SRBD1: variants seen among roughly 807,000 people sequenced by gnomAD.
SRBD1 encodes S1 RNA binding domain 1, also known as S1 RNA-binding domain-containing protein 1.
A neutral mutation model predicts 115.3 loss-of-function variants in SRBD1; 88 were observed. The observed-to-expected ratio is 0.76, with a 90% CI of 0.64 to 0.91. SRBD1 has a LOEUF of 0.91. Among genes scored for constraint, SRBD1 ranks in the 40% least tolerant of loss-of-function variants. SRBD1 has a pLI of 0.00. For missense variants in SRBD1, 1,385 were observed against 1,177.4 expected (o/e 1.18, Z -2.58); for synonymous variants, 509 against 407.7 (o/e 1.25, Z -2.99).
intron 1 of SRBD1, among the ~76,000 whole-genome samples, chr2:45,610,207 A>T (rs915191029): frequency 6.6e-6 from 1 of 152,246 alleles, no homozygotes; most frequent in Non-Finnish European, 1.5e-5. Flanking sequence ...GAGCCACTAA[A>T]CTAGGACGAC....
intron 16 of SRBD1, among the ~76,000 whole-genome samples, chr2:45,445,982 A>G (rs1343728659): frequency 6.6e-6 from 1 of 152,220 alleles, no homozygotes; most frequent in Non-Finnish European, 1.5e-5. Flanking sequence ...GTCTTGAGTA[A>G]GAAAAGTCAG....
Position 45,478,877 on chromosome 2 carries a change from T to C in SRBD1, c.1967-1802A>G, listed in dbSNP as rs537932511. Among the ~76,000 whole-genome samples, 9 of 152,302 alleles carry C rather than the reference T, an allele frequency of 5.9e-5. No homozygotes were observed. In the East Asian group the frequency reaches 1.7e-3, roughly 29 times the overall value. ...TTTATTGTGCTTCTCAGACACCACA[T>C]TTCTTCCAAGTTGGAAATTTGCGGC... On this transcript the variant is annotated intron_variant, in intron 15 of 20. Coordinates refer to ENST00000263736, the MANE Select transcript of SRBD1 (RefSeq NM_018079.5).
chr2:45,597,589 G>A (rs62128607), intron 4 of SRBD1, among the ~76,000 whole-genome samples: 2 of 152,118 alleles, frequency 1.3e-5, no homozygotes, highest in Non-Finnish European at 2.9e-5. Context: ...AGAAGCAGCA[G>A]AAATTGGTGA....
intron 2 of SRBD1, 101 bp from the exon 3 acceptor site, chr2:45,602,184 T>C: frequency 7.4e-7 from 1 of 1,349,482 alleles, no homozygotes; most frequent in Non-Finnish European, 1.0e-6. Context: ...AAGTAGGAGG[T>C]GTTTAATATA....
At chr2:45,608,714 G>A (rs1001356150) in intron 1 of SRBD1, among the ~76,000 whole-genome samples, 3 of 152,018 alleles carry the variant, frequency 2.0e-5, no homozygotes, top group Non-Finnish European at 2.9e-5. Flanking sequence ...ATCCACAATG[G>A]AACTCTTGAT....
At chr2:45,500,375 T>C (rs1305288901) in intron 14 of SRBD1, among the ~76,000 whole-genome samples, 1 of 151,874 alleles carries the variant, frequency 6.6e-6, no homozygotes, top group African/African-American at 2.4e-5. Flanking sequence ...TAAATGAGAC[T>C]GCTTTCTCGA....
At chr2:45,446,765 A>C (rs1281767394) in intron 16 of SRBD1, among the ~76,000 whole-genome samples, 1 of 151,986 alleles carries the variant, frequency 6.6e-6, no homozygotes, top group Non-Finnish European at 1.5e-5. Context: ...AAAATTAAAA[A>C]CATAGGTCGC....
intron 4 of SRBD1, among the ~76,000 whole-genome samples, chr2:45,591,722 T>C (rs941320819): frequency 9.2e-5 from 14 of 152,208 alleles, no homozygotes; most frequent in African/African-American, 3.1e-4. Flanking sequence ...CTAGGAATGT[T>C]GGGTGATGGT....
chr2:45,583,404 C>A lies in SRBD1; in HGVS notation c.816-1594G>T, dbSNP rs150363888. 3.9e-3 allele frequency among the ~76,000 whole-genome samples: 587 copies of A among 152,190 alleles called. 16 individuals are homozygous for A. Among genetic ancestry groups the A allele is most frequent in the Admixed American group, 0.037 (559 of 15,292 alleles). ...CAATTCCTTTTGTCCTATTAGCCTG[C>A]ATATAAGGAAGAAGAGAATTATCTT... On this transcript the variant is annotated intron_variant, in intron 5 of 20. Transcript: ENST00000263736.
At position 45,585,588 on chromosome 2, in the gene SRBD1, T is replaced by C. The variant is rs1673493308; in HGVS notation, c.815+20A>G. On this transcript the variant is annotated intron_variant, in intron 5 of 20. Transcript: ENST00000263736. Reference sequence around the variant, plus strand: ...GCCTTTTCCCCTTACACTAGGCTTATTCTTTTTTAGGTTTCTTACCGTAGC... The same window carrying C: ...GCCTTTTCCCCTTACACTAGGCTTACTCTTTTTTAGGTTTCTTACCGTAGC... 1.2e-6 allele frequency: 2 copies of C among 1,601,892 alleles called. No individual in the cohort carries two copies. The highest frequency in any genetic ancestry group is 1.1e-5 in the South Asian group (1 of 87,834).
At chr2:45,432,079 G>C (rs1034419966) in intron 16 of SRBD1, among the ~76,000 whole-genome samples, 10 of 151,568 alleles carry the variant, frequency 6.6e-5, no homozygotes, top group Non-Finnish European at 1.2e-4. Context: ...GCCCAGGCTG[G>C]AGTGCAACGG....
At chr2:45,479,385 T>C (rs1019248761) in intron 15 of SRBD1, among the ~76,000 whole-genome samples, 2 of 152,210 alleles carry the variant, frequency 1.3e-5, no homozygotes, top group South Asian at 2.1e-4. Context: ...AAGTTGTGAA[T>C]GCAAAGGAAG....
chr2:45,532,205 G>A (rs1400218415), intron 14 of SRBD1, among the ~76,000 whole-genome samples: 1 of 151,686 alleles, frequency 6.6e-6, no homozygotes, highest in Non-Finnish European at 1.5e-5. Flanking sequence ...CCCTCCCCAA[G>A]ACTTAAAACA....
intron 14 of SRBD1, among the ~76,000 whole-genome samples, chr2:45,490,691 T>G (rs538482214): frequency 4.7e-4 from 71 of 152,270 alleles, no homozygotes; most frequent in Non-Finnish European, 9.0e-4. Flanking sequence ...ACTGGGTACC[T>G]GAGAATTTGC....
chr2:45,488,250 C>A lies in SRBD1; in HGVS notation c.1956G>T (p.Leu652Phe). Reference sequence around the variant, plus strand: ...TCCATAGTTTCTTACCTGCACTTCTCAAATTAGGGTCCAGCCCTGGCATCT... The same window carrying A: ...TCCATAGTTTCTTACCTGCACTTCTAAAATTAGGGTCCAGCCCTGGCATCT... Reference protein sequence around the residue: ...NKEMPGLDPNLRSAVSIARRV... With the variant: ...NKEMPGLDPNFRSAVSIARRV... Residue 652 changes from leucine (L) to phenylalanine (F), a missense_variant, in exon 15 of 21, where the codon TTG (leucine) becomes TTT (phenylalanine). Physicochemically the swap from Leu to Phe is conservative, Grantham distance 22 (BLOSUM62 0). Transcript: ENST00000263736. The A allele has an allele frequency of 6.2e-7, 1 of 1,613,868 alleles. No individual in the cohort carries two copies. Among genetic ancestry groups the A allele is most frequent in the Non-Finnish European group, 8.5e-7 (1 of 1,179,888 alleles).
At chr2:45,607,242 G>A (rs1438409114) in intron 1 of SRBD1, among the ~76,000 whole-genome samples, 2 of 152,166 alleles carry the variant, frequency 1.3e-5, no homozygotes, top group South Asian at 2.1e-4. Flanking sequence ...AAATAAGAAT[G>A]GAGGAAGTTA....
At chr2:45,488,116 G>A (rs757852034) in intron 15 of SRBD1, 124 bp downstream of exon 15, 6 of 736,596 alleles carry the variant, frequency 8.1e-6, no homozygotes, top group Admixed American at 2.6e-5. Context: ...TTTCTAATAT[G>A]CCAATTCTTA....
chr2:45,461,432 G>C (rs1037305653), intron 16 of SRBD1, among the ~76,000 whole-genome samples: 1 of 152,164 alleles, frequency 6.6e-6, no homozygotes, highest in Non-Finnish European at 1.5e-5. Context: ...CACATCACCA[G>C]ATGATGCTGG....
intron 16 of SRBD1, among the ~76,000 whole-genome samples, chr2:45,466,341 TC>T (rs1474331645): frequency 6.6e-6 from 1 of 152,154 alleles, no homozygotes; most frequent in Non-Finnish European, 1.5e-5. Context: ...CCTGGAGGCA[TC>T]CTGTGGATGC....
Sources: allele counts gnomAD v4.1 joint callset (sites outside exome capture counted in the v4.1 genomes callset), GRCh38; gene constraint gnomAD v4.1.1; transcripts MANE v1.5; gene names NCBI Gene and HGNC (gene_info 2026-07-23, HGNC 2026-07-21).